Variants in PCNX1 observed in about 807,000 individuals in gnomAD.
PCNX1 encodes pecanex 1, also known as pecanex-like protein 1.
Under a neutral mutation model 242.2 loss-of-function variants are expected in PCNX1, and 78 were observed. The ratio of observed to expected loss-of-function variants is 0.32; its 90% confidence interval spans 0.27 to 0.39. The LOEUF is 0.39. Ranked by LOEUF, PCNX1 falls within the 10% of genes least tolerant of loss-of-function variation. The pLI is 1.00. For synonymous variants in PCNX1, 1,024 were observed against 1,032.9 expected (o/e 0.99, Z 0.17); for missense variants, 2,581 against 2,856.5 (o/e 0.90, Z 2.20).
rs1005310850 is a variant in PCNX1 at position 71,114,786 on chromosome 14, G to A, written c.*4851G>A. ...CACTGTGATGGGGATGAATTCCTGA[G>A]TTTTACCTGCACAATGAGGTGGTGC... is the stretch of plus-strand genomic sequence containing the variant. On this transcript the variant is annotated 3_prime_UTR_variant, in exon 36 of 36. Coordinates refer to ENST00000304743, the MANE Select transcript of PCNX1 (RefSeq NM_014982.3). The A allele has an allele frequency of 6.6e-6, 1 of 152,546 alleles. No homozygotes were observed. The highest frequency in any genetic ancestry group is 1.5e-5 in the Non-Finnish European group (1 of 68,024). 9.4% of individuals were successfully genotyped at this position (152,546 alleles called of 1,614,324 possible).
intron 30 of PCNX1, chr14:71,093,974 A>G (rs1026298830): frequency 1.3e-5 from 2 of 152,218 alleles, no homozygotes; most frequent in African/African-American, 4.8e-5. Flanking sequence ...GTTATTAGTA[A>G]GGCTTCTAGT....
chr14:70,934,428 A>C (rs1275882985), intron 1 of PCNX1, among the ~76,000 whole-genome samples: 1 of 152,160 alleles, frequency 6.6e-6, no homozygotes, highest in Non-Finnish European at 1.5e-5. Context: ...CATAATATAA[A>C]ATTTATTATC....
chr14:70,995,716 C>T (rs764608748), intron 7 of PCNX1, 25 bp from the exon 8 acceptor site: 6 of 1,604,276 alleles, frequency 3.7e-6, no homozygotes, highest in Non-Finnish European at 5.1e-6. Flanking sequence ...CCTGTAATGT[C>T]TCCCCAATCC....
At chr14:71,068,564 T>C (rs2061509813) in intron 26 of PCNX1, among the ~76,000 whole-genome samples, 2 of 147,288 alleles carry the variant, frequency 1.4e-5, no homozygotes, top group Admixed American at 6.9e-5. Context: ...CTTTGGTTGG[T>C]AGACTTTTTA....
chr14:70,946,464 T>C (rs2057461044), intron 1 of PCNX1, among the ~76,000 whole-genome samples: 1 of 152,232 alleles, frequency 6.6e-6, no homozygotes, highest in African/African-American at 2.4e-5. Flanking sequence ...TGGCATGGAC[T>C]GTATACCTGT....
rs139184739 is a variant in PCNX1 at position 71,103,281 on chromosome 14, T to C, written c.5821-114T>C. On this transcript the variant is annotated intron_variant, in intron 31 of 35. Transcript: ENST00000304743. Reference sequence around the variant, plus strand: ...TGACCTACTTATATTTGTTCCCCGCTTTTCACAACTGGTTATCATAATATC... The same window carrying C: ...TGACCTACTTATATTTGTTCCCCGCCTTTCACAACTGGTTATCATAATATC... 1.2e-3 allele frequency: 1,415 copies of C among 1,201,628 alleles called. 5 individuals carry two copies. The highest frequency in any genetic ancestry group is 4.4e-3 in the Middle Eastern group (15 of 3,438). 74.4% of individuals were successfully genotyped at this position (1,201,628 alleles called of 1,614,324 possible).
At chr14:70,934,669 A>G (rs889857426) in intron 1 of PCNX1, among the ~76,000 whole-genome samples, 10 of 152,216 alleles carry the variant, frequency 6.6e-5, no homozygotes, top group African/African-American at 1.9e-4. Flanking sequence ...GGAAGTTCCA[A>G]ACTTTCCCAG....
At chr14:71,103,329 C>T in intron 31 of PCNX1, 66 bp from the exon 32 acceptor site, 1 of 1,518,124 alleles carries the variant, frequency 6.6e-7, no homozygotes. Context: ...CCCATTTCTG[C>T]TCTTCTGTTT....
chr14:71,030,373 T>C (rs1241098797), intron 16 of PCNX1, among the ~76,000 whole-genome samples: 1 of 152,150 alleles, frequency 6.6e-6, no homozygotes, highest in Non-Finnish European at 1.5e-5. Flanking sequence ...AGAATGCATG[T>C]GGTCCATTTA....
intron 26 of PCNX1, among the ~76,000 whole-genome samples, chr14:71,065,990 G>A (rs1291824039): frequency 1.3e-5 from 2 of 151,998 alleles, no homozygotes; most frequent in Non-Finnish European, 2.9e-5. Flanking sequence ...TTTTGTACAA[G>A]TACCATGCTG....
intron 17 of PCNX1, 105 bp downstream of exon 17, chr14:71,033,643 T>A: frequency 1.5e-6 from 1 of 667,838 alleles, no homozygotes; most frequent in South Asian, 1.9e-5. Context: ...TCCAAAGTGC[T>A]TTGGCCTAAT....
Position 71,055,498 on chromosome 14 carries a change from C to A in PCNX1, c.4578-6C>A. The A allele has an allele frequency of 6.3e-7, 1 of 1,581,136 alleles. No homozygotes were observed. Among genetic ancestry groups the A allele is most frequent in the South Asian group, 1.1e-5 (1 of 89,292 alleles). ...AAAGTTACTAAAAATGTTTTATTTT[C>A]TTTAGCACAAAACGAGTGGATCATT... On this transcript the variant is annotated splice_polypyrimidine_tract_variant and splice_region_variant and intron_variant, in intron 24 of 35. Transcript: ENST00000304743.
chr14:70,920,480 A>G lies in PCNX1; in HGVS notation c.153+12477A>G, dbSNP rs4902869. On this transcript the variant is annotated intron_variant, in intron 1 of 35. Transcript: ENST00000304743. ...AAAATTTGCAAAAGGTTTTACATCTATGATAGATACATTTCAGATGGACAA... is the reference window on the plus strand; with the variant it reads ...AAAATTTGCAAAAGGTTTTACATCTGTGATAGATACATTTCAGATGGACAA... Among the ~76,000 whole-genome samples, 1,321 of 152,304 alleles carry G rather than the reference A, an allele frequency of 8.7e-3. 26 individuals carry two copies. Among genetic ancestry groups the G allele is most frequent in the African/African-American group, 0.03 (1,245 of 41,574 alleles).
At chr14:70,930,094 G>C (rs1338124346) in intron 1 of PCNX1, among the ~76,000 whole-genome samples, 1 of 151,890 alleles carries the variant, frequency 6.6e-6, no homozygotes, top group African/African-American at 2.4e-5. Flanking sequence ...TCATGCATGT[G>C]TGTGTGCCTG....
At chr14:70,985,308 G>C (rs1031786661) in intron 6 of PCNX1, among the ~76,000 whole-genome samples, 1 of 152,104 alleles carries the variant, frequency 6.6e-6, no homozygotes, top group Non-Finnish European at 1.5e-5. Flanking sequence ...TCCGCCTCTT[G>C]GGTTCAAGTG....
intron 22 of PCNX1, among the ~76,000 whole-genome samples, chr14:71,048,293 G>T (rs1425915230): frequency 6.6e-6 from 1 of 152,152 alleles, no homozygotes; most frequent in Non-Finnish European, 1.5e-5. Flanking sequence ...TTTAGAAACA[G>T]AAGTGGTAAT....
rs565688326 is a variant in PCNX1, at chr14:70,971,426, G to C, written c.604+2316G>C. Reference sequence around the variant, plus strand: ...CCCAAAGTGCTGGGATTACAGGCGTGAGCCACCGCGCCCGGCCTATAGTTT... The same window carrying C: ...CCCAAAGTGCTGGGATTACAGGCGTCAGCCACCGCGCCCGGCCTATAGTTT... On this transcript the variant is annotated intron_variant, in intron 5 of 35. Transcript: ENST00000304743. 2.3e-4 allele frequency among the ~76,000 whole-genome samples: 3 copies of C among 13,256 alleles called. 1 individual carries two copies. The highest frequency in any genetic ancestry group is 5.6e-4 in the Non-Finnish European group (3 of 5,370). The allele number at this position is 13,256 out of a possible 152,430, so 8.7% of individuals were successfully genotyped here.
At position 71,111,252 on chromosome 14, in the gene PCNX1, C is replaced by T. The variant is rs2062749012; in HGVS notation, c.*1317C>T. 1 of 152,502 alleles carries T rather than the reference C, an allele frequency of 6.6e-6. No individual in the cohort carries two copies. Among genetic ancestry groups the T allele is most frequent in the African/African-American group, 2.4e-5 (1 of 41,408 alleles). 9.4% of individuals were successfully genotyped at this position (152,502 alleles called of 1,614,324 possible). ...TTACAATTGGGCGATATAGGAACTTCAATTTAGATTTAATTTGCAACTCTT... is the reference window on the plus strand; with the variant it reads ...TTACAATTGGGCGATATAGGAACTTTAATTTAGATTTAATTTGCAACTCTT... On this transcript the variant is annotated 3_prime_UTR_variant, in exon 36 of 36. Coordinates refer to ENST00000304743, the MANE Select transcript of PCNX1 (RefSeq NM_014982.3).
chr14:71,040,356 CT>C (rs1000437915), intron 19 of PCNX1, among the ~76,000 whole-genome samples: 2 of 152,080 alleles, frequency 1.3e-5, no homozygotes, highest in South Asian at 2.1e-4. Context: ...ATGTAGATAA[CT>C]TTTTTTCTGT....
Sources: gnomAD v4.1 joint callset for allele counts (sites outside exome capture counted in the v4.1 genomes callset) on GRCh38, gnomAD v4.1.1 for gene constraint, MANE v1.5 for transcripts, NCBI Gene and HGNC (gene_info 2026-07-23, HGNC 2026-07-21) for gene names.